The following CDH8 variants were observed in gnomAD, a reference collection of about 807,000 sequenced individuals.
CDH8 encodes cadherin-8.
CDH8 carries 17 observed loss-of-function variants against 68.1 expected under a neutral mutation model. The observed-to-expected ratio is 0.25, with a 90% confidence interval of 0.17 to 0.37. The LOEUF (loss-of-function observed/expected upper bound fraction) is 0.37. CDH8 is among the 10% of genes least tolerant of loss of function. CDH8 has a pLI of 1.00. For synonymous variants in CDH8, 372 were observed against 365.1 expected (o/e 1.02, Z -0.21); for missense variants, 763 against 999.3 (o/e 0.76, Z 3.19).
chr16:61,821,199 T>G (rs1962208166), intron 5 of CDH8, 86 bp from the exon 6 acceptor site: 2 of 989,980 alleles, frequency 2.0e-6, no homozygotes, highest in Non-Finnish European at 3.0e-6. Flanking sequence ...GGCACCTCCT[T>G]TGTTCTGGGC....
chr16:61,959,970 A>ATGTG lies in CDH8; in HGVS notation c.253-58501_253-58498dup, dbSNP rs1306078439. ...ACAAATCTTTCTCTGTATGTGGTGT[A>ATGTG]TGTGTGTGTGTGTGTATATATATAT... On this transcript the variant is annotated intron_variant, in intron 2 of 11. Transcript: ENST00000577390. Among the ~76,000 whole-genome samples the ATGTG allele has an allele frequency of 3.3e-4, 13 of 39,700 alleles. 2 individuals are homozygous for ATGTG. The highest frequency in any genetic ancestry group is 1.1e-3 in the East Asian group (1 of 884). 26.0% of individuals were successfully genotyped at this position (39,700 alleles called of 152,430 possible). A position where few individuals can be genotyped will look rare whatever the true frequency, so the allele number is the denominator to read the frequency against.
chr16:61,693,628 A>G (rs1037828340), intron 10 of CDH8: 2 of 152,186 alleles, frequency 1.3e-5, no homozygotes, highest in Non-Finnish European at 2.9e-5. Context: ...TGTTGTTGTT[A>G]TTATTATCAT....
chr16:62,000,841 T>G (rs551060268), intron 2 of CDH8, among the ~76,000 whole-genome samples: 10 of 152,340 alleles, frequency 6.6e-5, no homozygotes, highest in African/African-American at 2.4e-4. Context: ...ACTACTAGTA[T>G]TAGACACTGT....
intron 10 of CDH8, among the ~76,000 whole-genome samples, chr16:61,675,111 AT>A (rs2142786595): frequency 6.6e-6 from 1 of 152,238 alleles, no homozygotes; most frequent in Non-Finnish European, 1.5e-5. Flanking sequence ...AAAGGAAGTT[AT>A]TAATCTTGAA....
intron 4 of CDH8, among the ~76,000 whole-genome samples, chr16:61,853,169 A>C (rs1942829102): frequency 1.3e-5 from 2 of 152,106 alleles, no homozygotes; most frequent in Non-Finnish European, 2.9e-5. Context: ...TGTGCTCTTA[A>C]GGTGATAACT....
intron 1 of CDH8, among the ~76,000 whole-genome samples, chr16:62,025,628 A>G (rs527784783): frequency 2.0e-5 from 3 of 152,248 alleles, no homozygotes; most frequent in South Asian, 2.1e-4. Flanking sequence ...AAACACTTAT[A>G]TGCCATCTCT....
At chr16:61,701,094 G>A (rs1266068348) in intron 10 of CDH8, among the ~76,000 whole-genome samples, 1 of 152,144 alleles carries the variant, frequency 6.6e-6, no homozygotes, top group Non-Finnish European at 1.5e-5. Flanking sequence ...TGGGCTTTGG[G>A]TCAGAAAAGG....
In CDH8 at chr16:61,827,713, C is replaced by G. The variant is rs185392708; in HGVS notation, c.668-2534G>C. ...ATGGGACTTCATCAATTGCAAAAGT[C>G]TTTTTACCCTCCCCCATTGAGGTAA... On this transcript the variant is annotated intron_variant, in intron 4 of 11. Coordinates refer to ENST00000577390, the MANE Select transcript of CDH8 (RefSeq NM_001796.5). Among the ~76,000 whole-genome samples, 11 of 151,778 alleles carry G rather than the reference C, an allele frequency of 7.2e-5. No homozygotes were observed. In the East Asian group the frequency reaches 2.2e-3, roughly 30 times the overall value.
intron 2 of CDH8, among the ~76,000 whole-genome samples, chr16:61,964,134 G>A (rs2150573156): frequency 6.6e-6 from 1 of 152,180 alleles, no homozygotes; most frequent in African/African-American, 2.4e-5. Context: ...AGGTTCCTAT[G>A]GAATGTTTCC....
intron 2 of CDH8, among the ~76,000 whole-genome samples, 164 bp from the exon 3 acceptor site, chr16:61,901,637 A>C (rs377311544): frequency 6.6e-6 from 1 of 152,210 alleles, no homozygotes; most frequent in South Asian, 2.1e-4. Context: ...ATCAATTAAG[A>C]ATAAAATATA....
At chr16:61,715,059 A>G (rs551207958) in intron 9 of CDH8, among the ~76,000 whole-genome samples, 1 of 151,750 alleles carries the variant, frequency 6.6e-6, no homozygotes, top group African/African-American at 2.4e-5. Flanking sequence ...TATCAAGCAC[A>G]TGTTATATGA....
chr16:61,673,602 A>T (rs534027999), intron 10 of CDH8, among the ~76,000 whole-genome samples: 5 of 152,248 alleles, frequency 3.3e-5, no homozygotes, highest in African/African-American at 9.6e-5. Flanking sequence ...CATGCATAAA[A>T]CATGCATTTC....
chr16:61,914,120 CAG>C (rs1446400610), intron 2 of CDH8, among the ~76,000 whole-genome samples: 2 of 152,072 alleles, frequency 1.3e-5, no homozygotes, highest in Non-Finnish European at 2.9e-5. Flanking sequence ...TGTCAGGACA[CAG>C]AGAGAAGGCA....
At chr16:61,946,591 C>G (rs1462750130) in intron 2 of CDH8, among the ~76,000 whole-genome samples, 1 of 152,196 alleles carries the variant, frequency 6.6e-6, no homozygotes, top group African/African-American at 2.4e-5. Context: ...GCAATAGAAT[C>G]ATGCTTATTT....
intron 4 of CDH8, among the ~76,000 whole-genome samples, chr16:61,833,460 C>T (rs565342251): frequency 1.1e-3 from 171 of 151,842 alleles, no homozygotes; most frequent in African/African-American, 4.0e-3. Flanking sequence ...TTATGATAAT[C>T]AGCAAATACT....
In CDH8 at chr16:61,674,927, C is replaced by T. The variant is rs565112243; in HGVS notation, c.1655-19206G>A. 7.0e-5 allele frequency among the ~76,000 whole-genome samples: 10 copies of T among 143,478 alleles called. No homozygotes were observed. The East Asian group carries it at 2.0e-3, about 29-fold the overall frequency. 94.1% of individuals were successfully genotyped at this position (143,478 alleles called of 152,430 possible). A position where few individuals can be genotyped will look rare whatever the true frequency, so the allele number is the denominator to read the frequency against. On this transcript the variant is annotated intron_variant, in intron 10 of 11. Transcript: ENST00000577390. ...AATAGCAACTATCTGAACATGAACA[C>T]AGAGATGAACAGAAAGCAAAAAAAA... is the stretch of plus-strand genomic sequence containing the variant.
intron 8 of CDH8, among the ~76,000 whole-genome samples, chr16:61,774,692 A>C (rs115007447): frequency 2.6e-5 from 4 of 152,068 alleles, no homozygotes; most frequent in Non-Finnish European, 5.9e-5. Context: ...ATTTATTAGG[A>C]GCCCCAAAGC....
At chr16:61,682,565 T>C (rs1567419298) in intron 10 of CDH8, among the ~76,000 whole-genome samples, 1 of 151,874 alleles carries the variant, frequency 6.6e-6, no homozygotes, top group Non-Finnish European at 1.5e-5. Context: ...TCTTATAGTA[T>C]CTCCAATTAA....
At position 61,655,713 on chromosome 16, in the gene CDH8, G is replaced by C; in HGVS notation, c.1663C>G (p.Leu555Val). The change falls in exon 11 of 12, where the codon CTC (leucine) becomes GTC (valine). Residue 555 changes from leucine (L) to valine (V), a missense_variant. Coordinates refer to ENST00000577390, the MANE Select transcript of CDH8 (RefSeq NM_001796.5). ...FTIKKNEDNS[L>V]SILAKHNGFN... ...CCATTATGCTTTGCCAAAATACTGA[G>C]GGAATTATCTGAAAAAAGTAAAAAT... is the stretch of plus-strand genomic sequence containing the variant. 3 of 1,613,102 alleles carry C rather than the reference G, an allele frequency of 1.9e-6. No homozygotes were observed. The highest frequency in any genetic ancestry group is 4.5e-5 in the East Asian group (2 of 44,868).
Sources: gnomAD v4.1 joint callset for allele counts (sites outside exome capture counted in the v4.1 genomes callset) on GRCh38, gnomAD v4.1.1 for gene constraint, MANE v1.5 for transcripts, NCBI Gene and HGNC (gene_info 2026-07-23, HGNC 2026-07-21) for gene names.